The following DIAPH3 variants were observed in gnomAD, a reference collection of about 807,000 sequenced individuals.
The protein encoded by DIAPH3 is protein diaphanous homolog 3.
In DIAPH3, 117 loss-of-function variants were observed where a neutral mutation model predicts 144.3. That is an observed-to-expected ratio of 0.81 (90% CI 0.70 to 0.95). The LOEUF (loss-of-function observed/expected upper bound fraction) is 0.95, where lower values mean the gene tolerates loss of function less well. DIAPH3 is among the 40% of genes least tolerant of loss of function. DIAPH3 has a pLI of 0.00. For missense variants in DIAPH3, 1,421 were observed against 1,412.7 expected, an observed-to-expected ratio of 1.01 and a Z score of -0.09; for synonymous variants, 519 against 488.9, an observed-to-expected ratio of 1.06 and a Z score of -0.81.
intron 27 of DIAPH3, among the ~76,000 whole-genome samples, chr13:59,762,449 T>C (rs1336766828): frequency 2.2e-5 from 3 of 135,068 alleles, no homozygotes; most frequent in South Asian, 2.4e-4. Context: ...GAGTGGATTA[T>C]ATAAAGGTGT....
At chr13:59,748,415 C>T (rs1431603252) in intron 27 of DIAPH3, among the ~76,000 whole-genome samples, 5 of 152,208 alleles carry the variant, frequency 3.3e-5, no homozygotes, top group Admixed American at 3.3e-4. Context: ...AATGGATGTG[C>T]AGCCTCATTG....
intron 4 of DIAPH3, among the ~76,000 whole-genome samples, chr13:60,066,904 C>T (rs2056989752): frequency 6.6e-6 from 1 of 152,196 alleles, no homozygotes; most frequent in South Asian, 2.1e-4. Flanking sequence ...ATCAAAGTGA[C>T]ACTGAATTAC....
intron 25 of DIAPH3, among the ~76,000 whole-genome samples, chr13:59,797,963 T>C (rs890369275): frequency 6.6e-6 from 1 of 152,176 alleles, no homozygotes; most frequent in East Asian, 1.9e-4. Flanking sequence ...GCCAGGCCCA[T>C]TCAGGTAAAA....
At chr13:59,883,634 G>A (rs1205272542) in intron 20 of DIAPH3, among the ~76,000 whole-genome samples, 1 of 152,110 alleles carries the variant, frequency 6.6e-6, no homozygotes, top group African/African-American at 2.4e-5. Context: ...TTTCAGGAAG[G>A]TGAAATGACT....
At chr13:59,962,668 A>G (rs2049832202) in intron 17 of DIAPH3, among the ~76,000 whole-genome samples, 1 of 152,044 alleles carries the variant, frequency 6.6e-6, no homozygotes, top group South Asian at 2.1e-4. Context: ...TCAGGTTTAC[A>G]CCATGGTCTA....
chr13:60,161,765 G>A (rs1176293321), intron 1 of DIAPH3, among the ~76,000 whole-genome samples: 3 of 152,098 alleles, frequency 2.0e-5, no homozygotes, highest in Non-Finnish European at 4.4e-5. Context: ...AATCAAGTAG[G>A]AAATGTCTAA....
chr13:60,118,214 A>T, intron 2 of DIAPH3, among the ~76,000 whole-genome samples: 1 of 152,190 alleles, frequency 6.6e-6, no homozygotes, highest in East Asian at 1.9e-4. Context: ...AAATAAAATT[A>T]ATTAAACAAA....
chr13:59,816,661 C>CT (rs951147981), intron 24 of DIAPH3, among the ~76,000 whole-genome samples: 1 of 151,274 alleles, frequency 6.6e-6, no homozygotes, highest in African/African-American at 2.4e-5. Flanking sequence ...CATATAAATC[C>CT]TTTTTAAATT....
At chr13:59,691,253 T>C (rs950810300) in intron 27 of DIAPH3, among the ~76,000 whole-genome samples, 8 of 152,146 alleles carry the variant, frequency 5.3e-5, no homozygotes, top group African/African-American at 1.9e-4. Context: ...ATGACTAGAT[T>C]GAGAAAATTA....
chr13:59,843,892 C>A (rs1223441744), intron 22 of DIAPH3, among the ~76,000 whole-genome samples: 1 of 152,016 alleles, frequency 6.6e-6, no homozygotes, highest in Non-Finnish European at 1.5e-5. Flanking sequence ...TAAGTCGGAT[C>A]TGAATAATGG....
At chr13:59,894,756 A>G (rs1024733886) in intron 20 of DIAPH3, among the ~76,000 whole-genome samples, 6 of 152,118 alleles carry the variant, frequency 3.9e-5, no homozygotes, top group Non-Finnish European at 5.9e-5. Context: ...AAGGAAACTT[A>G]TAACAATATT....
At chr13:59,680,538 G>A (rs2032883687) in intron 27 of DIAPH3, among the ~76,000 whole-genome samples, 1 of 151,216 alleles carries the variant, frequency 6.6e-6, no homozygotes, top group South Asian at 2.1e-4. Flanking sequence ...CCTGTTATTA[G>A]GATCTAAGAA....
chr13:60,125,903 G>C (rs982729597), intron 2 of DIAPH3, among the ~76,000 whole-genome samples: 1 of 152,052 alleles, frequency 6.6e-6, no homozygotes, highest in Non-Finnish European at 1.5e-5. Flanking sequence ...GAAATAATCA[G>C]AAAGAAACAT....
At chr13:60,159,482 G>T (rs550465823) in intron 1 of DIAPH3, among the ~76,000 whole-genome samples, 2 of 151,998 alleles carry the variant, frequency 1.3e-5, no homozygotes, top group East Asian at 3.9e-4. Context: ...AAAATTAGCC[G>T]GGCGTAGTGA....
At chr13:59,682,433 C>T (rs1288608886) in intron 27 of DIAPH3, among the ~76,000 whole-genome samples, 4 of 152,104 alleles carry the variant, frequency 2.6e-5, no homozygotes, top group African/African-American at 9.7e-5. Flanking sequence ...GTGATCCTCC[C>T]CCTTCACCCT....
chr13:60,097,278 G>A (rs1332455916), intron 3 of DIAPH3, among the ~76,000 whole-genome samples: 3 of 152,180 alleles, frequency 2.0e-5, no homozygotes, highest in Non-Finnish European at 4.4e-5. Flanking sequence ...CTAGTGGGAC[G>A]TGTCTGGGTC....
intron 27 of DIAPH3, among the ~76,000 whole-genome samples, chr13:59,732,835 T>G (rs1342024498): frequency 1.3e-5 from 2 of 152,128 alleles, no homozygotes; most frequent in Non-Finnish European, 2.9e-5. Context: ...AGAACATTAT[T>G]TTTAAACTTC....
intron 17 of DIAPH3, among the ~76,000 whole-genome samples, chr13:59,963,634 TG>T (rs983490824): frequency 3.4e-5 from 3 of 88,338 alleles, no homozygotes; most frequent in Admixed American, 1.3e-4. Flanking sequence ...GTGTATGTAA[TG>T]GGGGGGAGGG....
Position 59,980,843 on chromosome 13 carries a change from T to C in DIAPH3, c.1497A>G (p.Gln499=), listed in dbSNP as rs774232779. 5 of 1,609,374 alleles carry C rather than the reference T, an allele frequency of 3.1e-6. No individual in the cohort carries two copies. The highest frequency in any genetic ancestry group is 1.7e-5 in the Admixed American group (1 of 59,662). ...TCTCTTCAAACTCTTCTAGTTTTGC[T>C]TGATCTATGCAAATGTCTAAAATTG... ...LTQFVDICID[Q]AKLEEFEEKA... is the part of the protein sequence containing the mutation. The change falls in exon 14 of 28, where the codon CAA becomes CAG. Residue 499 remains glutamine (Q), a synonymous_variant. Transcript: ENST00000400324.
Sources: gnomAD v4.1 joint callset for allele counts (sites outside exome capture counted in the v4.1 genomes callset) on GRCh38, gnomAD v4.1.1 for gene constraint, MANE v1.5 for transcripts, NCBI Gene and HGNC (gene_info 2026-07-23, HGNC 2026-07-21) for gene names.